Variants in FRMD5 observed in about 807,000 individuals in gnomAD.
FRMD5 encodes FERM domain-containing protein 5.
In FRMD5, 20 loss-of-function variants were observed where a neutral mutation model predicts 69.0. The observed-to-expected ratio is 0.29, with a 90% CI of 0.20 to 0.42. FRMD5 has a LOEUF of 0.42. FRMD5 is among the 10% of genes least tolerant of loss of function. The pLI is 1.00. For synonymous variants in FRMD5, 271 were observed against 260.1 expected (o/e 1.04, Z -0.40); for missense variants, 595 against 708.6 (o/e 0.84, Z 1.82).
chr15:44,175,558 T>C (rs1269483468), intron 1 of FRMD5, among the ~76,000 whole-genome samples: 1 of 151,938 alleles, frequency 6.6e-6, no homozygotes, highest in African/African-American at 2.4e-5. Flanking sequence ...AGTTTGGCAG[T>C]TTCTTATAAA....
chr15:44,076,669 T>C (rs1893783413), intron 1 of FRMD5, among the ~76,000 whole-genome samples: 1 of 147,780 alleles, frequency 6.8e-6, no homozygotes, highest in Admixed American at 6.7e-5. Context: ...ATATACCTAA[T>C]GCTAGATGAT....
At chr15:43,885,569 G>T in intron 11 of FRMD5, 112 bp downstream of exon 11, 1 of 874,340 alleles carries the variant, frequency 1.1e-6, no homozygotes, top group Non-Finnish European at 1.9e-6. Flanking sequence ...GGAGACCTCA[G>T]ACTTTTCTGA....
At chr15:43,888,146 G>A in intron 10 of FRMD5, 29 bp downstream of exon 10, 1 of 1,529,486 alleles carries the variant, frequency 6.5e-7, no homozygotes, top group Non-Finnish European at 9.1e-7. Flanking sequence ...CTCTAAGAAA[G>A]ACAGTCCCCA....
chr15:43,959,949 C>G (rs547770226), intron 1 of FRMD5, among the ~76,000 whole-genome samples: 2 of 152,172 alleles, frequency 1.3e-5, no homozygotes, highest in African/African-American at 4.8e-5. Context: ...CGGAGTTTCG[C>G]TCTTGTTGCC....
At chr15:44,178,572 C>T (rs76711771) in intron 1 of FRMD5, among the ~76,000 whole-genome samples, 42 of 152,174 alleles carry the variant, frequency 2.8e-4, no homozygotes, top group Middle Eastern at 3.4e-3. Context: ...CCTTGGAATT[C>T]GGGATCAATG....
Position 44,177,010 on chromosome 15 carries a change from C to A in FRMD5, c.102+17943G>T, listed in dbSNP as rs150753711. On this transcript the variant is annotated intron_variant, in intron 1 of 13. Coordinates refer to ENST00000417257, the MANE Select transcript of FRMD5 (RefSeq NM_032892.5). Reference sequence around the variant, plus strand: ...AAGGCAGACAATAGTGAGGATTGGCCAGGAGAAACTGGAACCCTTGAGCCA... The same window carrying A: ...AAGGCAGACAATAGTGAGGATTGGCAAGGAGAAACTGGAACCCTTGAGCCA... 3.9e-3 allele frequency among the ~76,000 whole-genome samples: 572 copies of A among 148,218 alleles called. 2 individuals are homozygous for A. The highest frequency in any genetic ancestry group is 5.6e-3 in the Non-Finnish European group (375 of 67,398).
At chr15:43,910,687 C>A (rs1334386922) in intron 4 of FRMD5, among the ~76,000 whole-genome samples, 1 of 151,782 alleles carries the variant, frequency 6.6e-6, no homozygotes, top group Non-Finnish European at 1.5e-5. Flanking sequence ...AAGCTGTTGC[C>A]TCAGGTGGAA....
intron 1 of FRMD5, among the ~76,000 whole-genome samples, chr15:44,022,403 A>G (rs1316919158): frequency 7.1e-6 from 1 of 141,794 alleles, no homozygotes; most frequent in Admixed American, 7.1e-5. Context: ...CATCTCTACT[A>G]AAAAAAAAAA....
At chr15:44,104,793 CTGT>C (rs2076691745) in intron 1 of FRMD5, among the ~76,000 whole-genome samples, 1 of 152,132 alleles carries the variant, frequency 6.6e-6, no homozygotes, top group African/African-American at 2.4e-5. Flanking sequence ...AGAACATACC[CTGT>C]TGTTAAGTAA....
In FRMD5 at chr15:44,195,257, C is replaced by A. The variant is rs2078272480; in HGVS notation, c.-203G>T. 1.9e-6 allele frequency: 1 copy of A among 531,830 alleles called. No individual in the cohort carries two copies. Among genetic ancestry groups the A allele is most frequent in the Non-Finnish European group, 3.3e-6 (1 of 304,026 alleles). The allele number at this position is 531,830 out of a possible 1,614,324, so 32.9% of individuals were successfully genotyped here. On this transcript the variant is annotated 5_prime_UTR_variant, in exon 1 of 14. Transcript: ENST00000417257. ...GCCACCGCCTCCCCCCAGCCCAGATCAAGCGCCGGGCTCTGTCTCCTCGGC... is the reference window on the plus strand; with the variant it reads ...GCCACCGCCTCCCCCCAGCCCAGATAAAGCGCCGGGCTCTGTCTCCTCGGC...
intron 1 of FRMD5, among the ~76,000 whole-genome samples, chr15:44,079,364 T>C (rs1347893946): frequency 3.3e-5 from 5 of 152,104 alleles, no homozygotes; most frequent in African/African-American, 1.2e-4. Context: ...AATAGTATAG[T>C]GGCTCCTCAA....
rs1251684159 is a variant in FRMD5, at chr15:43,873,498, C to T, written c.*387G>A. The T allele has an allele frequency of 2.1e-6, 3 of 1,421,452 alleles. No homozygotes were observed. Among genetic ancestry groups the T allele is most frequent in the East Asian group, 5.4e-5 (2 of 36,704 alleles). 88.1% of individuals were successfully genotyped at this position (1,421,452 alleles called of 1,614,324 possible). On this transcript the variant is annotated 3_prime_UTR_variant, in exon 14 of 14. Coordinates refer to ENST00000417257, the MANE Select transcript of FRMD5 (RefSeq NM_032892.5). ...CAGCTCTCTAGTTTTCAACTAGTGT[C>T]CCCTCTGCTAGGTGATACTACTGCA...
At chr15:44,007,342 C>T (rs1015942580) in intron 1 of FRMD5, among the ~76,000 whole-genome samples, 6 of 152,030 alleles carry the variant, frequency 3.9e-5, no homozygotes, top group African/African-American at 9.7e-5. Flanking sequence ...CACTTTATTG[C>T]GGTGGTCTGG....
chr15:44,112,713 C>G (rs953281219), intron 1 of FRMD5, among the ~76,000 whole-genome samples: 3 of 152,012 alleles, frequency 2.0e-5, no homozygotes, highest in African/African-American at 7.3e-5. Flanking sequence ...CATGATCCAC[C>G]CACCTCGGCC....
At chr15:44,022,205 T>G (rs930426098) in intron 1 of FRMD5, among the ~76,000 whole-genome samples, 1 of 152,134 alleles carries the variant, frequency 6.6e-6, no homozygotes, top group African/African-American at 2.4e-5. Flanking sequence ...TTCATGACCA[T>G]GTGTATGTAC....
At chr15:44,113,141 A>G (rs1421038270) in intron 1 of FRMD5, among the ~76,000 whole-genome samples, 1 of 152,220 alleles carries the variant, frequency 6.6e-6, no homozygotes, top group Non-Finnish European at 1.5e-5. Context: ...GGGTATGACT[A>G]TATCCCCAAG....
At position 43,885,775 on chromosome 15, in the gene FRMD5, A is replaced by C. The variant is rs769929609; in HGVS notation, c.885-20T>G. On this transcript the variant is annotated intron_variant, in intron 10 of 13. Transcript: ENST00000417257. ...TCCAGCCTGTAGCAAGGCAAAGTCC[A>C]GTGTGATAGACAGCCTGAACTGCCT... 1.2e-6 allele frequency: 2 copies of C among 1,605,816 alleles called. No homozygotes were observed. Among genetic ancestry groups the C allele is most frequent in the Admixed American group, 1.7e-5 (1 of 60,016 alleles).
chr15:44,008,899 G>T (rs978627969), intron 1 of FRMD5, among the ~76,000 whole-genome samples: 7 of 152,128 alleles, frequency 4.6e-5, no homozygotes, highest in Admixed American at 4.6e-4. Flanking sequence ...GGTGGCAGGC[G>T]CCTGTAGTCC....
chr15:43,904,766 T>C (rs1032539153), intron 6 of FRMD5, among the ~76,000 whole-genome samples: 37 of 152,206 alleles, frequency 2.4e-4, no homozygotes, highest in African/African-American at 8.9e-4. Flanking sequence ...CACCCTATTG[T>C]TGCTTTTTAA....
Sources: allele counts gnomAD v4.1 joint callset (sites outside exome capture counted in the v4.1 genomes callset), GRCh38; gene constraint gnomAD v4.1.1; transcripts MANE v1.5; gene names NCBI Gene and HGNC (gene_info 2026-07-23, HGNC 2026-07-21).